The following FLAD1 variants were observed in gnomAD, a reference collection of about 807,000 sequenced individuals.
FLAD1 encodes bifunctional FAD diphosphatase/FAD synthase.
FLAD1 carries 35 observed loss-of-function variants against 55.0 expected under a neutral mutation model. The observed-to-expected ratio is 0.64, with a 90% CI of 0.49 to 0.84. The LOEUF is 0.84. Among genes scored for constraint, FLAD1 ranks in the 40% least tolerant of loss-of-function variants. FLAD1 has a pLI of 0.00. For missense variants in FLAD1, 665 were observed against 742.6 expected, an observed-to-expected ratio of 0.90 and a Z score of 1.21; for synonymous variants, 267 against 303.0, an observed-to-expected ratio of 0.88 and a Z score of 1.23.
chr1:154,988,189 C>T lies in FLAD1; in HGVS notation c.457C>T (p.Pro153Ser), dbSNP rs1319776376. The T allele has an allele frequency of 6.2e-7, 1 of 1,614,232 alleles. No homozygotes were observed. The highest frequency in any genetic ancestry group is 8.5e-7 in the Non-Finnish European group (1 of 1,180,036). Residue 153 changes from proline to serine, a missense_variant, in exon 2 of 7, where the codon CCT becomes TCT. By Grantham distance (74) the Pro-to-Ser change is moderately conservative. Coordinates refer to ENST00000292180, the MANE Select transcript of FLAD1 (RefSeq NM_025207.5). ...GVQVCRVSVV[P>S]DEVATIAAEV... ...CCAGGTTTGCCGAGTCTCAGTTGTA[C>T]CTGATGAGGTAGCCACCATTGCAGC...
chr1:154,988,270 G>A lies in FLAD1; in HGVS notation c.538G>A (p.Gly180Ser), dbSNP rs376637647. ...CCATGTCCTCACAGCAGGGGGCATC[G>A]GCCCCACTCATGATGATGTGACCTT... ...FTHVLTAGGIGPTHDDVTFEA... is the reference protein window; with the variant it reads ...FTHVLTAGGISPTHDDVTFEA... The change falls in exon 2 of 7, where the codon GGC becomes AGC. Residue 180 changes from glycine (G) to serine (S), a missense_variant. Physicochemically the swap from Gly to Ser is moderately conservative, Grantham distance 56. Transcript: ENST00000292180. 30 of 1,614,088 alleles carry A rather than the reference G, an allele frequency of 1.9e-5. No individual in the cohort carries two copies. Among genetic ancestry groups the A allele is most frequent in the East Asian group, 4.5e-5 (2 of 44,896 alleles).
rs756018287 is a variant in FLAD1, at chr1:154,988,256, C to T, written c.524C>T (p.Thr175Ile). Residue 175 changes from threonine to isoleucine, a missense_variant, in exon 2 of 7, where the codon ACA becomes ATA. Transcript: ENST00000292180. ...TCCAACCGCTTCACCCATGTCCTCA[C>T]AGCAGGGGGCATCGGCCCCACTCAT... The part of the protein sequence containing the change: ...SFSNRFTHVL[T>I]AGGIGPTHDD... The T allele has an allele frequency of 3.1e-6, 5 of 1,614,236 alleles. No individual in the cohort carries two copies. Among genetic ancestry groups the T allele is most frequent in the Non-Finnish European group, 4.2e-6 (5 of 1,180,046 alleles).
chr1:154,987,018 C>T (rs1265429887), intron 1 of FLAD1, among the ~76,000 whole-genome samples: 4 of 149,608 alleles, frequency 2.7e-5, no homozygotes, highest in Admixed American at 2.6e-4. Flanking sequence ...TCCCTTACTC[C>T]AAAACACAGA....
In FLAD1 at chr1:154,989,131, G is replaced by A. The variant is rs1331885958; in HGVS notation, c.1117+282G>A. The A allele has an allele frequency of 7.0e-6, 5 of 710,508 alleles. No individual in the cohort carries two copies. The Admixed American group carries it at 1.5e-4, about 22-fold the overall frequency. 44.0% of individuals were successfully genotyped at this position (710,508 alleles called of 1,614,324 possible). On this transcript the variant is annotated intron_variant, in intron 2 of 6. Coordinates refer to ENST00000292180, the MANE Select transcript of FLAD1 (RefSeq NM_025207.5). ...GGACATTAAACAGGTGATCCTGCAT[G>A]GGGTGATGAAAGGAGTGATCTCCCA...
rs1657807664 is a variant in FLAD1, at chr1:154,990,383, C to T, written c.1409C>T (p.Ala470Val). ...GAAGCTGAGGGCAGCATGAAGCAGG[C>T]CCTGGGTGAACTGCAGGCACGGCAC... ...MLEAEGSMKQ[A>V]LGELQARHPQ... The change falls in exon 5 of 7, where the codon GCC (alanine) becomes GTC (valine). Residue 470 changes from alanine (A) to valine (V), a missense_variant. By Grantham distance (64) the Ala-to-Val change is moderately conservative (BLOSUM62 0). Coordinates refer to ENST00000292180, the MANE Select transcript of FLAD1 (RefSeq NM_025207.5). The T allele has an allele frequency of 6.2e-7, 1 of 1,614,052 alleles. No individual in the cohort carries two copies.
In FLAD1 at chr1:154,989,702, G is replaced by A; in HGVS notation, c.1260G>A (p.Val420=). The A allele has an allele frequency of 6.6e-7, 1 of 1,523,200 alleles. No individual in the cohort carries two copies. The highest frequency in any genetic ancestry group is 8.8e-7 in the Non-Finnish European group (1 of 1,132,908). 94.4% of individuals were successfully genotyped at this position (1,523,200 alleles called of 1,614,324 possible). A position where few individuals can be genotyped will look rare whatever the true frequency, so the allele number is the denominator to read the frequency against. The change falls in exon 3 of 7, where the codon GTG becomes GTA. Residue 420 remains valine, a synonymous_variant. Transcript: ENST00000292180. Reference sequence around the variant, plus strand: ...TCCTGCACCTCTTCCATGCAGCTGTGCAGAGGTGAGCCTGCCCCCGGGAGA... The same window carrying A: ...TCCTGCACCTCTTCCATGCAGCTGTACAGAGGTGAGCCTGCCCCCGGGAGA... ...TALLHLFHAA[V]QRKLPDVPNP...
At chr1:154,987,829 T>C (rs1380485950) in intron 1 of FLAD1, 3 of 822,696 alleles carry the variant, frequency 3.6e-6, no homozygotes, top group Non-Finnish European at 5.4e-6. Flanking sequence ...TCCCAGCTAC[T>C]CGGAAGGCTG....
chr1:154,992,539 CCTT>C, intron 5 of FLAD1, 171 bp from the exon 6 acceptor site: 2 of 1,591,696 alleles, frequency 1.3e-6, no homozygotes, highest in African/African-American at 1.3e-5. Flanking sequence ...AAGATGAAGT[CCTT>C]CTCTTTCTCT....
intron 3 of FLAD1, 122 bp from the exon 4 acceptor site, chr1:154,990,037 G>A (rs756755844): frequency 8.3e-5 from 71 of 859,394 alleles, no homozygotes; most frequent in Non-Finnish European, 1.2e-4. Context: ...GGATGGAAAG[G>A]ACAAGGAAAA....
chr1:154,987,058 G>A (rs1403521541), intron 1 of FLAD1, among the ~76,000 whole-genome samples: 3 of 149,326 alleles, frequency 2.0e-5, no homozygotes, highest in African/African-American at 7.4e-5. Context: ...TGGTGACAGG[G>A]TCCCTGTCAC....
Position 154,988,752 on chromosome 1 carries a change from C to A in FLAD1, c.1020C>A (p.Ala340=), listed in dbSNP as rs760284211. The change falls in exon 2 of 7, where the codon GCC becomes GCA. Residue 340 remains alanine, a synonymous_variant. Transcript: ENST00000292180. ...EEEGPLEECL[A]YLTARLPQGS... ...AAGGACCCCTGGAGGAATGCTTGGC[C>A]TACCTGACTGCCCGTTTGCCCCAGG... 1.2e-6 allele frequency: 2 copies of A among 1,614,236 alleles called. No homozygotes were observed. Among genetic ancestry groups the A allele is most frequent in the Non-Finnish European group, 1.7e-6 (2 of 1,180,050 alleles).
intron 1 of FLAD1, among the ~76,000 whole-genome samples, chr1:154,986,035 G>GTC (rs1218805073): frequency 3.3e-5 from 5 of 151,614 alleles, no homozygotes; most frequent in Non-Finnish European, 7.4e-5. Context: ...GTGTGTGTGT[G>GTC]TGTGTGTGTG....
At position 154,989,630 on chromosome 1, in the gene FLAD1, C is replaced by T. The variant is rs1479833170; in HGVS notation, c.1188C>T (p.Leu396=). The T allele has an allele frequency of 6.2e-7, 1 of 1,603,026 alleles. No individual in the cohort carries two copies. Among genetic ancestry groups the T allele is most frequent in the African/African-American group, 1.3e-5 (1 of 74,458 alleles). Residue 396 remains leucine, a synonymous_variant, in exon 3 of 7, where the codon CTC becomes CTT. Coordinates refer to ENST00000292180, the MANE Select transcript of FLAD1 (RefSeq NM_025207.5). The stretch of plus-strand genomic sequence containing the variant: ...AGACCTCCCTGGCTCAGTACAGCCT[C>T]ACCCAGCTCTGTGTGGGCTTCAACG... The part of the protein sequence containing the change: ...TIETSLAQYS[L]TQLCVGFNGG...
chr1:154,992,437 C>A, intron 5 of FLAD1: 1 of 822,686 alleles, frequency 1.2e-6, no homozygotes, highest in Non-Finnish European at 1.9e-6. Context: ...AGCCAGACTC[C>A]GTCTCAAAAA....
chr1:154,985,932 G>A (rs1657574268), intron 1 of FLAD1, among the ~76,000 whole-genome samples: 1 of 150,658 alleles, frequency 6.6e-6, no homozygotes, highest in Non-Finnish European at 1.5e-5. Flanking sequence ...CTCCATGTTG[G>A]TCAGGCTGGT....
chr1:154,989,349 CTG>C (rs1657762148), intron 2 of FLAD1, among the ~76,000 whole-genome samples: 2 of 152,324 alleles, frequency 1.3e-5, no homozygotes, highest in East Asian at 1.9e-4. Context: ...AGGAATGACA[CTG>C]AGGCTACTGT....
intron 1 of FLAD1, among the ~76,000 whole-genome samples, chr1:154,986,759 C>G (rs1657631986): frequency 8.3e-6 from 1 of 120,740 alleles, no homozygotes. Context: ...TAGGCTAGAG[C>G]TAATTTTTTG....
intron 1 of FLAD1, chr1:154,987,663 G>A (rs1279393834): frequency 9.0e-6 from 2 of 221,208 alleles, no homozygotes; most frequent in South Asian, 7.0e-5. Flanking sequence ...CAGGCCAGGC[G>A]TGGTGGCTCA....
rs780951656 is a variant in FLAD1 at position 154,989,593 on chromosome 1, T to C, written c.1151T>C (p.Leu384Pro). ...TTGGGGAAAAAGGTGGCAGGTGCCC[T>C]ACAGACCATTGAGACCTCCCTGGCT... is the stretch of plus-strand genomic sequence containing the variant. ...SSLGKKVAGALQTIETSLAQY... is the reference protein window; with the variant it reads ...SSLGKKVAGAPQTIETSLAQY... The change falls in exon 3 of 7, where the codon CTA becomes CCA. Residue 384 changes from leucine to proline, a missense_variant. By Grantham distance (98) the Leu-to-Pro change is moderately conservative. Transcript: ENST00000292180. 10 of 1,600,570 alleles carry C rather than the reference T, an allele frequency of 6.2e-6. No individual in the cohort carries two copies. In the South Asian group the frequency reaches 1.0e-4, roughly 16 times the overall value.
Sources: allele counts gnomAD v4.1 joint callset (sites outside exome capture counted in the v4.1 genomes callset), GRCh38; gene constraint gnomAD v4.1.1; transcripts MANE v1.5; gene names NCBI Gene and HGNC (gene_info 2026-07-23, HGNC 2026-07-21).